Variants in ACVR2A observed in about 807,000 individuals in gnomAD.
ACVR2A encodes activin A receptor type 2A.
ACVR2A carries 7 observed loss-of-function variants against 61.4 expected under a neutral mutation model. The ratio of observed to expected loss-of-function variants is 0.11; its 90% CI spans 0.06 to 0.21. ACVR2A has a LOEUF of 0.21. ACVR2A is among the 10% of genes least tolerant of loss of function. The pLI is 1.00. For missense variants in ACVR2A, 322 were observed against 621.7 expected (o/e 0.52, Z 5.13); for synonymous variants, 193 against 208.3 (o/e 0.93, Z 0.63).
chr2:147,892,291 G>C (rs1686607833), intron 1 of ACVR2A, among the ~76,000 whole-genome samples: 1 of 151,658 alleles, frequency 6.6e-6, no homozygotes, highest in African/African-American at 2.4e-5. Context: ...ACACGGTTGA[G>C]ATGGAGTTAC....
chr2:147,929,562 C>CTATT lies in ACVR2A; in HGVS notation c.*2289_*2292dup, dbSNP rs1464975693. The stretch of plus-strand genomic sequence containing the variant: ...TTTAAAACTTGTATTCTTTTGAGAA[C>CTATT]TATTATTAATAGAAAAACTTTTTAT... On this transcript the variant is annotated 3_prime_UTR_variant, in exon 11 of 11. Transcript: ENST00000241416. The CTATT allele has an allele frequency of 1.3e-5, 2 of 152,284 alleles. No homozygotes were observed. Among genetic ancestry groups the CTATT allele is most frequent in the Non-Finnish European group, 2.9e-5 (2 of 67,934 alleles). The allele number at this position is 152,284 out of a possible 1,614,324, so 9.4% of individuals were successfully genotyped here. A position where few individuals can be genotyped will look rare whatever the true frequency, so the allele number is the denominator to read the frequency against.
At chr2:147,862,231 G>A in intron 1 of ACVR2A, among the ~76,000 whole-genome samples, 1 of 151,930 alleles carries the variant, frequency 6.6e-6, no homozygotes, top group East Asian at 1.9e-4. Context: ...GGAGCCAGAA[G>A]TAGCAATATA....
In ACVR2A at chr2:147,897,430, G is replaced by C. The variant is rs114635004; in HGVS notation, c.263+922G>C. ...AGTAAAATACAGTGGTCATGTTATT[G>C]ACTGCCTGTGATCTTTCTGTATGGA... On this transcript the variant is annotated intron_variant, in intron 2 of 10. Transcript: ENST00000241416. Among the ~76,000 whole-genome samples, 827 of 152,228 alleles carry C rather than the reference G, an allele frequency of 5.4e-3. 7 individuals are homozygous for C. Among genetic ancestry groups the C allele is most frequent in the African/African-American group, 0.019 (795 of 41,532 alleles).
At chr2:147,892,833 CTG>C (rs1282004479) in intron 1 of ACVR2A, among the ~76,000 whole-genome samples, 6 of 150,942 alleles carry the variant, frequency 4.0e-5, no homozygotes, top group Non-Finnish European at 5.9e-5. Flanking sequence ...TTTGGTGTGA[CTG>C]TTTTTCTTTG....
intron 4 of ACVR2A, among the ~76,000 whole-genome samples, chr2:147,909,776 C>T (rs1227662090): frequency 2.0e-5 from 3 of 151,958 alleles, no homozygotes; most frequent in African/African-American, 7.2e-5. Flanking sequence ...TAGCTGGGAC[C>T]ACAGGCATAT....
intron 1 of ACVR2A, among the ~76,000 whole-genome samples, chr2:147,871,495 G>A (rs1017500955): frequency 2.6e-5 from 4 of 152,094 alleles, no homozygotes; most frequent in African/African-American, 7.2e-5. Context: ...TAGCCTAGAT[G>A]TCTCTGCATT....
rs944937263 is a variant in ACVR2A at position 147,929,160 on chromosome 2, G to A, written c.*1886G>A. 4.6e-5 allele frequency: 7 copies of A among 152,296 alleles called. No individual in the cohort carries two copies. Among genetic ancestry groups the A allele is most frequent in the African/African-American group, 1.7e-4 (7 of 41,520 alleles). 9.4% of individuals were successfully genotyped at this position (152,296 alleles called of 1,614,324 possible). ...TCAGAACTGTCACGTGTGTCCCCAT[G>A]GTCTCATTCATTGTATTCCTAGCAA... On this transcript the variant is annotated 3_prime_UTR_variant, in exon 11 of 11. Transcript: ENST00000241416.
At chr2:147,853,065 C>T (rs1573910654) in intron 1 of ACVR2A, among the ~76,000 whole-genome samples, 1 of 151,838 alleles carries the variant, frequency 6.6e-6, no homozygotes, top group Non-Finnish European at 1.5e-5. Context: ...AAAAGCAACT[C>T]GAAGACTAAG....
chr2:147,915,813 C>T (rs1439888856), intron 5 of ACVR2A, among the ~76,000 whole-genome samples: 2 of 151,882 alleles, frequency 1.3e-5, no homozygotes, highest in Admixed American at 6.6e-5. Context: ...CAGAGGCAAT[C>T]GAGACTTCAA....
At chr2:147,891,845 T>G (rs1686590322) in intron 1 of ACVR2A, among the ~76,000 whole-genome samples, 1 of 152,248 alleles carries the variant, frequency 6.6e-6, no homozygotes, top group African/African-American at 2.4e-5. Context: ...GCTTTTGTAT[T>G]ATTTGGTAAA....
chr2:147,911,523 T>A (rs1687111013), intron 4 of ACVR2A, among the ~76,000 whole-genome samples: 1 of 152,102 alleles, frequency 6.6e-6, no homozygotes, highest in Admixed American at 6.6e-5. Context: ...TTGCCTGTGT[T>A]TTTTCTTCAC....
chr2:147,909,132 T>G (rs1273487784), intron 4 of ACVR2A, among the ~76,000 whole-genome samples: 1 of 152,158 alleles, frequency 6.6e-6, no homozygotes, highest in Admixed American at 6.5e-5. Flanking sequence ...GTCTCAACTC[T>G]GTTTTTCACC....
chr2:147,867,805 T>C (rs1289114354), intron 1 of ACVR2A, among the ~76,000 whole-genome samples: 1 of 152,164 alleles, frequency 6.6e-6, no homozygotes, highest in Non-Finnish European at 1.5e-5. Flanking sequence ...AAGATTATTC[T>C]TTTCCAGCTT....
rs1685268219 is a variant in ACVR2A at position 147,845,029 on chromosome 2, G to GTTTTTTTTTTTTTTTTTTT, written c.-123_-122insTTTTTTTTTTTTTTTTTTT. 1 of 58,452 alleles carries GTTTTTTTTTTTTTTTTTTT rather than the reference G, an allele frequency of 1.7e-5. No homozygotes were observed. The allele number at this position is 58,452 out of a possible 1,614,324, so 3.6% of individuals were successfully genotyped here. ...TTTTTTTTTTTTTTTTTTTTTTTTG[G>GTTTTTTTTTTTTTTTTTTT]TCTGGGCTTCCGAATATGTTTTATG... On this transcript the variant is annotated 5_prime_UTR_variant, in exon 1 of 11. Transcript: ENST00000241416.
chr2:147,899,318 A>G (rs1686817641), intron 2 of ACVR2A, 140 bp from the exon 3 acceptor site: 3 of 574,480 alleles, frequency 5.2e-6, no homozygotes, highest in South Asian at 4.9e-5. Context: ...TTTGGTTTTT[A>G]AGAATTATTA....
At chr2:147,911,382 CTTTA>C (rs1475448957) in intron 4 of ACVR2A, among the ~76,000 whole-genome samples, 2 of 152,010 alleles carry the variant, frequency 1.3e-5, no homozygotes. Context: ...TGTTCCCTAT[CTTTA>C]TTTAAACAAT....
Position 147,899,871 on chromosome 2 carries a change from C to G in ACVR2A, c.501C>G (p.Ala167=). ...GGGTGTACAGGCATCACAAGATGGC[C>G]TACCCTCCTGTACTTGTTCCAACTC... The part of the protein sequence containing the change: ...AFWVYRHHKM[A]YPPVLVPTQD... The change falls in exon 4 of 11, where the codon GCC becomes GCG. Residue 167 remains alanine, a synonymous_variant. Transcript: ENST00000241416. The G allele has an allele frequency of 6.2e-7, 1 of 1,613,604 alleles. No individual in the cohort carries two copies. Among genetic ancestry groups the G allele is most frequent in the Non-Finnish European group, 8.5e-7 (1 of 1,179,640 alleles).
intron 1 of ACVR2A, among the ~76,000 whole-genome samples, chr2:147,849,405 T>A (rs188266996): frequency 6.6e-6 from 1 of 152,264 alleles, no homozygotes; most frequent in Admixed American, 6.5e-5. Flanking sequence ...TCTGTTTTTT[T>A]AAAAAAGATA....
intron 1 of ACVR2A, among the ~76,000 whole-genome samples, chr2:147,853,935 T>C (rs1685504138): frequency 6.6e-6 from 1 of 152,160 alleles, no homozygotes; most frequent in South Asian, 2.1e-4. Context: ...AGATTAACTT[T>C]TAAAATTTGT....
Sources: gnomAD v4.1 joint callset for allele counts (sites outside exome capture counted in the v4.1 genomes callset) on GRCh38, gnomAD v4.1.1 for gene constraint, MANE v1.5 for transcripts, NCBI Gene and HGNC (gene_info 2026-07-23, HGNC 2026-07-21) for gene names.